The following KIAA1217 variants were observed in gnomAD, a reference collection of about 807,000 sequenced individuals.
The protein encoded by KIAA1217 is sickle tail protein homolog.
Under a neutral mutation model 163.9 loss-of-function variants are expected in KIAA1217, and 88 were observed. That is an observed-to-expected ratio of 0.54 (90% CI 0.45 to 0.64). The LOEUF (loss-of-function observed/expected upper bound fraction) is 0.64, where lower values mean the gene tolerates loss of function less well. Among genes scored for constraint, KIAA1217 ranks in the 30% least tolerant of loss-of-function variants. The pLI, the probability that KIAA1217 is intolerant of heterozygous loss-of-function variation, is 0.00. For missense variants in KIAA1217, 2,372 were observed against 2,475.0 expected, an observed-to-expected ratio of 0.96 and a Z score of 0.88; for synonymous variants, 903 against 923.1, an observed-to-expected ratio of 0.98 and a Z score of 0.39.
chr10:24,085,507 C>T (rs965614664), intron 2 of KIAA1217, among the ~76,000 whole-genome samples: 3 of 152,076 alleles, frequency 2.0e-5, no homozygotes, highest in Admixed American at 1.3e-4. Flanking sequence ...GATTTCTAGC[C>T]CACGGCCACC....
intron 1 of KIAA1217, among the ~76,000 whole-genome samples, chr10:23,802,534 T>C (rs1328908967): frequency 6.6e-6 from 1 of 152,170 alleles, no homozygotes; most frequent in Non-Finnish European, 1.5e-5. Flanking sequence ...AATCAATGCA[T>C]ATGAGGGATT....
chr10:23,824,792 G>T (rs1175515462), intron 1 of KIAA1217, among the ~76,000 whole-genome samples: 1 of 150,920 alleles, frequency 6.6e-6, no homozygotes, highest in African/African-American at 2.4e-5. Flanking sequence ...GGTGTGTAGG[G>T]CATTTATCAT....
intron 2 of KIAA1217, among the ~76,000 whole-genome samples, chr10:24,316,420 A>G (rs1225650120): frequency 6.6e-6 from 1 of 152,208 alleles, no homozygotes; most frequent in African/African-American, 2.4e-5. Flanking sequence ...GTCAACCTGC[A>G]TGGGGGCAAT....
At chr10:23,913,540 G>A (rs1226468458) in intron 1 of KIAA1217, among the ~76,000 whole-genome samples, 1 of 152,042 alleles carries the variant, frequency 6.6e-6, no homozygotes, top group East Asian at 1.9e-4. Flanking sequence ...AGTGAGAAGT[G>A]TATAATAAGA....
chr10:24,501,892 G>C (rs1024789414), intron 9 of KIAA1217, among the ~76,000 whole-genome samples: 18 of 151,782 alleles, frequency 1.2e-4, no homozygotes, highest in African/African-American at 2.2e-4. Flanking sequence ...GGAACTACAG[G>C]CGCCCGCCAC....
intron 2 of KIAA1217, among the ~76,000 whole-genome samples, chr10:24,321,192 A>T (rs893084761): frequency 5.9e-5 from 9 of 152,192 alleles, no homozygotes; most frequent in African/African-American, 1.9e-4. Context: ...TGAAAGCAGG[A>T]ACTTGAGATA....
At chr10:24,218,640 C>T (rs1384309794) in intron 1 of KIAA1217, among the ~76,000 whole-genome samples, 1 of 152,066 alleles carries the variant, frequency 6.6e-6, no homozygotes, top group Non-Finnish European at 1.5e-5. Context: ...AGGTGCCCAC[C>T]ACCATGCCCA....
intron 2 of KIAA1217, among the ~76,000 whole-genome samples, chr10:24,335,044 A>G (rs2046167522): frequency 6.6e-6 from 1 of 152,222 alleles, no homozygotes; most frequent in Non-Finnish European, 1.5e-5. Flanking sequence ...ATGTCCATCA[A>G]CTGATGAGCT....
At chr10:23,979,155 T>C (rs1175929806) in intron 1 of KIAA1217, among the ~76,000 whole-genome samples, 1 of 152,194 alleles carries the variant, frequency 6.6e-6, no homozygotes, top group East Asian at 1.9e-4. Context: ...ATCAAATCAC[T>C]TTGAGCCACT....
At chr10:24,327,426 C>T (rs1193893753) in intron 2 of KIAA1217, among the ~76,000 whole-genome samples, 2 of 152,118 alleles carry the variant, frequency 1.3e-5, no homozygotes, top group Non-Finnish European at 2.9e-5. Context: ...AAGGGAATTT[C>T]TCATTGAGTG....
At chr10:24,172,606 T>C (rs2065683157) in intron 2 of KIAA1217, among the ~76,000 whole-genome samples, 1 of 152,222 alleles carries the variant, frequency 6.6e-6, no homozygotes, top group South Asian at 2.1e-4. Context: ...AGTTAACATC[T>C]GTCCAATGGT....
At chr10:23,887,463 T>C (rs1216644030) in intron 1 of KIAA1217, among the ~76,000 whole-genome samples, 1 of 151,858 alleles carries the variant, frequency 6.6e-6, no homozygotes, top group African/African-American at 2.4e-5. Flanking sequence ...CTGTCTAATG[T>C]GAATGTGAGG....
intron 1 of KIAA1217, among the ~76,000 whole-genome samples, chr10:23,963,474 C>T (rs1844909371): frequency 6.6e-6 from 1 of 152,118 alleles, no homozygotes; most frequent in African/African-American, 2.4e-5. Flanking sequence ...TAGAGTATTC[C>T]ATGGTGTATA....
At chr10:24,190,415 G>A (rs1373507827) in intron 2 of KIAA1217, among the ~76,000 whole-genome samples, 1 of 152,146 alleles carries the variant, frequency 6.6e-6, no homozygotes, top group African/African-American at 2.4e-5. Context: ...TCGAAAGCCT[G>A]AACTTCCCCA....
In KIAA1217 at chr10:23,725,167, T is replaced by C. The variant is rs148792079; in HGVS notation, c.-321+29933T>C. On this transcript the variant is annotated intron_variant, in intron 1 of 18. Transcript: ENST00000376462. ...CCCTTCTAAACCACATATGGACTCT[T>C]GTCATCCTGCCTTCAGCACCCTGGT... Among the ~76,000 whole-genome samples the C allele has an allele frequency of 4.6e-5, 7 of 152,348 alleles. No homozygotes were observed. In the East Asian group the frequency reaches 1.4e-3, roughly 29 times the overall value.
intron 1 of KIAA1217, among the ~76,000 whole-genome samples, chr10:23,771,560 T>A (rs781322638): frequency 7.2e-5 from 11 of 152,248 alleles, no homozygotes; most frequent in Non-Finnish European, 5.9e-5. Flanking sequence ...AACTTTTAAA[T>A]GTTAAGGCAC....
At chr10:24,515,079 T>TG (rs2069852010) in intron 10 of KIAA1217, among the ~76,000 whole-genome samples, 1 of 151,884 alleles carries the variant, frequency 6.6e-6, no homozygotes, top group Non-Finnish European at 1.5e-5. Context: ...GAAAAAAAAT[T>TG]TTTTTGAGTT....
At chr10:23,727,891 T>C (rs1013628717) in intron 1 of KIAA1217, among the ~76,000 whole-genome samples, 13 of 152,316 alleles carry the variant, frequency 8.5e-5, no homozygotes, top group African/African-American at 3.1e-4. Context: ...AGTGAGAACA[T>C]GCAGCATTTG....
chr10:24,068,422 T>C (rs1368114735), intron 2 of KIAA1217, among the ~76,000 whole-genome samples: 1 of 152,254 alleles, frequency 6.6e-6, no homozygotes, highest in Non-Finnish European at 1.5e-5. Flanking sequence ...GTGACAGTTA[T>C]TTTGAATTAT....
Sources: gnomAD v4.1 joint callset for allele counts (sites outside exome capture counted in the v4.1 genomes callset) on GRCh38, gnomAD v4.1.1 for gene constraint, MANE v1.5 for transcripts, NCBI Gene and HGNC (gene_info 2026-07-23, HGNC 2026-07-21) for gene names.